The following FAT3 variants were observed in gnomAD, a reference collection of about 807,000 sequenced individuals.
The protein encoded by FAT3 is protocadherin Fat 3.
A neutral mutation model predicts 310.2 loss-of-function variants in FAT3; 95 were observed. That is an observed-to-expected ratio of 0.31 (90% CI 0.26 to 0.36). The LOEUF (loss-of-function observed/expected upper bound fraction) is 0.36, where lower values mean the gene tolerates loss of function less well. FAT3 is among the 10% of genes least tolerant of loss of function. FAT3 has a pLI of 1.00. For missense variants in FAT3, 5,408 were observed against 5,715.6 expected, an observed-to-expected ratio of 0.95 and a Z score of 1.74; for synonymous variants, 2,314 against 2,192.9, an observed-to-expected ratio of 1.06 and a Z score of -1.54.
intron 5 of FAT3, 142 bp downstream of exon 5, chr11:92,762,312 G>A (rs1056723564): frequency 1.3e-6 from 1 of 773,712 alleles, no homozygotes; most frequent in East Asian, 2.7e-5. Context: ...TGGGAGGCAA[G>A]TGCAGGTGAG....
intron 3 of FAT3, among the ~76,000 whole-genome samples, chr11:92,622,893 G>T (rs978264427): frequency 2.0e-5 from 3 of 152,102 alleles, no homozygotes; most frequent in Non-Finnish European, 2.9e-5. Context: ...TACCTATGCT[G>T]TGTGAACAAG....
chr11:92,580,996 C>G (rs1462220758), intron 3 of FAT3, among the ~76,000 whole-genome samples: 2 of 152,180 alleles, frequency 1.3e-5, no homozygotes, highest in East Asian at 3.9e-4. Context: ...TTTGTTTACA[C>G]ATAGTTGGGT....
chr11:92,664,193 G>C (rs185547826), intron 3 of FAT3, among the ~76,000 whole-genome samples: 49 of 152,172 alleles, frequency 3.2e-4, no homozygotes, highest in African/African-American at 1.2e-3. Context: ...TTCCTTTGTT[G>C]CCCCTTCAAA....
At chr11:92,546,686 T>A (rs1954628393) in intron 3 of FAT3, among the ~76,000 whole-genome samples, 2 of 152,152 alleles carry the variant, frequency 1.3e-5, no homozygotes, top group South Asian at 2.1e-4. Flanking sequence ...CAAATTATAT[T>A]CTTGTTGTTT....
intron 1 of FAT3, among the ~76,000 whole-genome samples, chr11:92,302,156 T>A (rs2134427743): frequency 6.6e-6 from 1 of 152,238 alleles, no homozygotes; most frequent in South Asian, 2.1e-4. Context: ...GTTGCCTTGT[T>A]TTGATTGGAG....
At chr11:92,255,477 T>C (rs922915145) in intron 1 of FAT3, among the ~76,000 whole-genome samples, 9 of 152,022 alleles carry the variant, frequency 5.9e-5, no homozygotes, top group African/African-American at 1.9e-4. Flanking sequence ...CATAAAAGCA[T>C]ATTAAATATA....
chr11:92,258,517 C>T (rs1471047988), intron 1 of FAT3, among the ~76,000 whole-genome samples: 1 of 152,004 alleles, frequency 6.6e-6, no homozygotes, highest in Non-Finnish European at 1.5e-5. Context: ...CTGGGGAACA[C>T]AGAGATGCAC....
chr11:92,852,284 T>C (rs1204714009), intron 19 of FAT3, among the ~76,000 whole-genome samples: 1 of 152,236 alleles, frequency 6.6e-6, no homozygotes, highest in Non-Finnish European at 1.5e-5. Context: ...GAATCTGTTT[T>C]TCAAAAACTA....
chr11:92,617,039 G>C (rs1447250529), intron 3 of FAT3, among the ~76,000 whole-genome samples: 1 of 152,096 alleles, frequency 6.6e-6, no homozygotes, highest in Non-Finnish European at 1.5e-5. Context: ...GCTAGGTTGG[G>C]GAAGTTCTCC....
At chr11:92,687,361 T>C (rs1943663409) in intron 3 of FAT3, among the ~76,000 whole-genome samples, 2 of 152,206 alleles carry the variant, frequency 1.3e-5, no homozygotes, top group Non-Finnish European at 2.9e-5. Context: ...AAGTTTACCG[T>C]TTTTGTTAAG....
At chr11:92,316,903 G>A (rs78989431) in intron 1 of FAT3, among the ~76,000 whole-genome samples, 4,044 of 152,164 alleles carry the variant, frequency 0.027, 194 homozygotes, top group African/African-American at 0.092. Flanking sequence ...TTGGGAAAAC[G>A]GAGACCCATG....
At chr11:92,794,809 A>G (rs1947128171) in intron 9 of FAT3, among the ~76,000 whole-genome samples, 1 of 152,224 alleles carries the variant, frequency 6.6e-6, no homozygotes, top group Admixed American at 6.5e-5. Flanking sequence ...TAAATCTCAA[A>G]TGACCAGCAG....
intron 4 of FAT3, among the ~76,000 whole-genome samples, chr11:92,731,997 C>G (rs530548191): frequency 7.7e-4 from 117 of 152,274 alleles, no homozygotes; most frequent in South Asian, 4.6e-3. Flanking sequence ...TTCCAATTGC[C>G]TATAGTCTCC....
chr11:92,352,042 C>T, intron 1 of FAT3, 54 bp from the exon 2 acceptor site: 2 of 1,116,644 alleles, frequency 1.8e-6, no homozygotes, highest in East Asian at 5.3e-5. Context: ...CCCACTCTCC[C>T]CCTTCTTCTA....
At chr11:92,497,829 A>C (rs1403386837) in intron 2 of FAT3, among the ~76,000 whole-genome samples, 1 of 151,986 alleles carries the variant, frequency 6.6e-6, no homozygotes, top group African/African-American at 2.4e-5. Flanking sequence ...GCCTCGGATG[A>C]GGTGGTTTGT....
chr11:92,323,521 G>A (rs1362289706), intron 1 of FAT3, among the ~76,000 whole-genome samples: 1 of 151,792 alleles, frequency 6.6e-6, no homozygotes, highest in African/African-American at 2.4e-5. Context: ...CAAAAGTACT[G>A]GGATTATAGG....
chr11:92,444,567 T>C (rs1450702646), intron 2 of FAT3, among the ~76,000 whole-genome samples: 1 of 150,256 alleles, frequency 6.7e-6, no homozygotes, highest in Non-Finnish European at 1.5e-5. Context: ...TGAAACATGG[T>C]AAGTTTATTT....
intron 2 of FAT3, among the ~76,000 whole-genome samples, chr11:92,491,983 C>T (rs566056835): frequency 1.6e-3 from 248 of 152,134 alleles, no homozygotes; most frequent in Non-Finnish European, 2.8e-3. Context: ...TCTGCGTGGT[C>T]TATATTCCAA....
chr11:92,811,564 A>T (rs1164878082), intron 13 of FAT3, among the ~76,000 whole-genome samples: 2 of 152,064 alleles, frequency 1.3e-5, no homozygotes, highest in African/African-American at 4.8e-5. Flanking sequence ...TCCTCCTTTC[A>T]CTTATTTTGA....
Sources: allele counts gnomAD v4.1 joint callset (sites outside exome capture counted in the v4.1 genomes callset), GRCh38; gene constraint gnomAD v4.1.1; transcripts MANE v1.5; gene names NCBI Gene and HGNC (gene_info 2026-07-23, HGNC 2026-07-21).